BTRC: variants seen among roughly 807,000 people sequenced by gnomAD.
BTRC encodes the protein beta-transducin repeat containing E3 ubiquitin protein ligase.
A neutral mutation model predicts 85.5 loss-of-function variants in BTRC; 42 were observed. The ratio of observed to expected loss-of-function variants is 0.49; its 90% CI spans 0.38 to 0.64. BTRC has a LOEUF of 0.64. BTRC is among the 30% of genes least tolerant of loss of function. The pLI, the probability that BTRC is intolerant of heterozygous loss-of-function variation, is 0.00. For synonymous variants in BTRC, 255 were observed against 263.3 expected, an observed-to-expected ratio of 0.97 and a Z score of 0.30; for missense variants, 594 against 743.5, an observed-to-expected ratio of 0.80 and a Z score of 2.34.
At chr10:101,505,167 A>ATGTATATG (rs1946499451) in intron 4 of BTRC, among the ~76,000 whole-genome samples, 1 of 127,450 alleles carries the variant, frequency 7.8e-6, no homozygotes, top group Non-Finnish European at 1.7e-5. Flanking sequence ...GTATATATAT[A>ATGTATATG]TATATATATA....
At chr10:101,486,590 G>T (rs1379512795) in intron 4 of BTRC, among the ~76,000 whole-genome samples, 1 of 152,254 alleles carries the variant, frequency 6.6e-6, no homozygotes, top group East Asian at 1.9e-4. Flanking sequence ...GGAAAAGAGT[G>T]TGTGAATTAG....
chr10:101,363,082 C>T (rs946369213), intron 1 of BTRC, among the ~76,000 whole-genome samples: 3 of 152,172 alleles, frequency 2.0e-5, no homozygotes, highest in East Asian at 1.9e-4. Context: ...AATTATTTAG[C>T]ATGTACTATT....
intron 2 of BTRC, among the ~76,000 whole-genome samples, chr10:101,450,028 TAGGA>T (rs1258268462): frequency 6.6e-6 from 1 of 151,044 alleles, no homozygotes; most frequent in African/African-American, 2.4e-5. Flanking sequence ...AAGGGTAAGG[TAGGA>T]AGTGTTTTTT....
chr10:101,376,084 G>A (rs1590218144), intron 1 of BTRC, among the ~76,000 whole-genome samples: 2 of 152,272 alleles, frequency 1.3e-5, no homozygotes, highest in East Asian at 1.9e-4. Context: ...CTAGCACTTC[G>A]GGAGGCTGAG....
chr10:101,505,916 A>AT (rs1946527878), intron 4 of BTRC, among the ~76,000 whole-genome samples: 1 of 149,998 alleles, frequency 6.7e-6, no homozygotes, highest in Non-Finnish European at 1.5e-5. Flanking sequence ...TCAGTTTTCC[A>AT]ATTTTTTTTT....
chr10:101,390,496 C>G (rs991307191), intron 1 of BTRC, among the ~76,000 whole-genome samples: 5 of 151,390 alleles, frequency 3.3e-5, no homozygotes, highest in Non-Finnish European at 5.9e-5. Flanking sequence ...CGCCACCACG[C>G]CTAATTTTTT....
chr10:101,511,282 A>G (rs367830798), intron 4 of BTRC, among the ~76,000 whole-genome samples: 1 of 151,132 alleles, frequency 6.6e-6, no homozygotes, highest in East Asian at 2.0e-4. Flanking sequence ...TCTTCCTTCT[A>G]TCTAGAAGGA....
chr10:101,397,244 G>T (rs949504142), intron 1 of BTRC, among the ~76,000 whole-genome samples: 23 of 152,198 alleles, frequency 1.5e-4, no homozygotes, highest in Non-Finnish European at 1.3e-4. Flanking sequence ...ATTGCAGAAA[G>T]GCAGAGTGAT....
rs368475224 is a variant in BTRC, at chr10:101,375,933, CAG to C, written c.48+21706_48+21707del. On this transcript the variant is annotated intron_variant, in intron 1 of 14. Transcript: ENST00000370187. ...CTGTGTGCTGGCCAGTGTATCAACA[CAG>C]GGGAAGTGGGGGAAATGATGTGGCT... Among the ~76,000 whole-genome samples the C allele has an allele frequency of 2.8e-3, 433 of 152,270 alleles. 2 individuals carry two copies. The highest frequency in any genetic ancestry group is 0.01 in the African/African-American group (417 of 41,548).
At chr10:101,511,658 C>T (rs1050219120) in intron 4 of BTRC, among the ~76,000 whole-genome samples, 11 of 152,154 alleles carry the variant, frequency 7.2e-5, no homozygotes, top group African/African-American at 9.6e-5. Flanking sequence ...CGGGTTCAAG[C>T]GAGGGTTCAC....
Position 101,456,155 on chromosome 10 carries a change from C to T in BTRC, c.157-5826C>T, listed in dbSNP as rs528618001. Among the ~76,000 whole-genome samples, 3 of 142,656 alleles carry T rather than the reference C, an allele frequency of 2.1e-5. 1 individual carries two copies. The South Asian group carries it at 6.7e-4, about 32-fold the overall frequency. The allele number at this position is 142,656 out of a possible 152,430, so 93.6% of individuals were successfully genotyped here. On this transcript the variant is annotated intron_variant, in intron 2 of 14. Coordinates refer to ENST00000370187, the MANE Select transcript of BTRC (RefSeq NM_033637.4). The stretch of plus-strand genomic sequence containing the variant: ...CTGTCCTCCAGCCTGGGTGACAGAA[C>T]GAGACTCTGTTTCAAAAAAAAAAAA...
intron 4 of BTRC, among the ~76,000 whole-genome samples, chr10:101,520,087 T>C (rs1479425925): frequency 1.3e-5 from 2 of 152,218 alleles, no homozygotes; most frequent in Non-Finnish European, 2.9e-5. Flanking sequence ...TATCCTGCTT[T>C]TTCTTCATAG....
intron 4 of BTRC, among the ~76,000 whole-genome samples, chr10:101,482,921 A>G (rs1382882955): frequency 6.6e-6 from 1 of 152,150 alleles, no homozygotes; most frequent in Non-Finnish European, 1.5e-5. Context: ...AACCATTTCC[A>G]TGTGAGAACA....
At chr10:101,452,794 TGTG>T (rs1944983672) in intron 2 of BTRC, among the ~76,000 whole-genome samples, 1 of 152,192 alleles carries the variant, frequency 6.6e-6, no homozygotes, top group Non-Finnish European at 1.5e-5. Flanking sequence ...TTGATGTGGT[TGTG>T]GTTTAATAGA....
chr10:101,478,194 G>A (rs1292981720), intron 3 of BTRC, among the ~76,000 whole-genome samples: 2 of 151,388 alleles, frequency 1.3e-5, no homozygotes, highest in East Asian at 2.0e-4. Flanking sequence ...CCAGCTACTC[G>A]GGAGACTCAG....
At chr10:101,379,362 C>T (rs1272721351) in intron 1 of BTRC, among the ~76,000 whole-genome samples, 9 of 152,116 alleles carry the variant, frequency 5.9e-5, no homozygotes, top group Non-Finnish European at 1.2e-4. Flanking sequence ...TAAATGTGTT[C>T]TACTAATGTC....
intron 1 of BTRC, among the ~76,000 whole-genome samples, chr10:101,394,315 T>A (rs1405539349): frequency 6.6e-6 from 1 of 152,260 alleles, no homozygotes; most frequent in African/African-American, 2.4e-5. Flanking sequence ...ACTAATATAA[T>A]GAATCTTTAT....
At chr10:101,476,908 A>C (rs1945704234) in intron 3 of BTRC, among the ~76,000 whole-genome samples, 1 of 152,204 alleles carries the variant, frequency 6.6e-6, no homozygotes, top group East Asian at 1.9e-4. Flanking sequence ...GATCAGCAGC[A>C]CTAACGTCAA....
At chr10:101,405,959 T>G (rs1262097303) in intron 1 of BTRC, among the ~76,000 whole-genome samples, 1 of 152,126 alleles carries the variant, frequency 6.6e-6, no homozygotes, top group African/African-American at 2.4e-5. Context: ...TACATCAAGT[T>G]TATTATTACT....
Sources: allele counts gnomAD v4.1 joint callset (sites outside exome capture counted in the v4.1 genomes callset), GRCh38; gene constraint gnomAD v4.1.1; transcripts MANE v1.5; gene names NCBI Gene and HGNC (gene_info 2026-07-23, HGNC 2026-07-21).